Variants in PRKAR1B observed in about 807,000 individuals in gnomAD.
The protein encoded by PRKAR1B is cAMP-dependent protein kinase type I-beta regulatory subunit.
PRKAR1B carries 22 observed loss-of-function variants against 46.5 expected under a neutral mutation model. The observed-to-expected ratio is 0.47, with a 90% confidence interval of 0.34 to 0.68. The LOEUF (loss-of-function observed/expected upper bound fraction) is 0.68. Among genes scored for constraint, PRKAR1B ranks in the 30% least tolerant of loss-of-function variants. The pLI, the probability that PRKAR1B is intolerant of heterozygous loss-of-function variation, is 0.01. For missense variants in PRKAR1B, 445 were observed against 535.6 expected, an observed-to-expected ratio of 0.83 and a Z score of 1.67; for synonymous variants, 259 against 217.7, an observed-to-expected ratio of 1.19 and a Z score of -1.67.
chr7:601,257 C>T (rs558227970), intron 6 of PRKAR1B, among the ~76,000 whole-genome samples: 4 of 152,308 alleles, frequency 2.6e-5, no homozygotes, highest in South Asian at 4.1e-4. Context: ...CCTGGGTAGC[C>T]GTAGTCCTGC....
At chr7:557,694 C>T (rs1010887198) in intron 9 of PRKAR1B, among the ~76,000 whole-genome samples, 6 of 152,186 alleles carry the variant, frequency 3.9e-5, no homozygotes, top group East Asian at 1.9e-4. Flanking sequence ...CAGCTTGAGA[C>T]GCACCACGGT....
chr7:693,669 T>C (rs1398098462), intron 2 of PRKAR1B, among the ~76,000 whole-genome samples: 1 of 152,198 alleles, frequency 6.6e-6, no homozygotes, highest in African/African-American at 2.4e-5. Context: ...TGCGAGGTTT[T>C]CACATCGTGG....
chr7:685,239 CAT>C (rs1331928020), intron 2 of PRKAR1B, among the ~76,000 whole-genome samples: 7 of 111,422 alleles, frequency 6.3e-5, no homozygotes, highest in Non-Finnish European at 1.2e-4. Context: ...TATACACACA[CAT>C]ATAACACGTT....
chr7:726,563 C>A, intron 1 of PRKAR1B: 1 of 495,644 alleles, frequency 2.0e-6, no homozygotes, highest in Non-Finnish European at 3.1e-6. Flanking sequence ...CAGAGGGGGA[C>A]AGCGGGCGAG....
At chr7:571,466 C>T (rs573553542) in intron 9 of PRKAR1B, among the ~76,000 whole-genome samples, 2 of 152,328 alleles carry the variant, frequency 1.3e-5, no homozygotes, top group South Asian at 4.1e-4. Context: ...AGGAAAAGTT[C>T]CCAGGCCCAA....
chr7:583,440 T>C (rs1205103931), intron 8 of PRKAR1B, among the ~76,000 whole-genome samples: 5 of 71,548 alleles, frequency 7.0e-5, no homozygotes, highest in Non-Finnish European at 1.1e-4. Flanking sequence ...ACACCCACAG[T>C]GCACACTCAC....
intron 4 of PRKAR1B, among the ~76,000 whole-genome samples, chr7:623,348 C>T (rs1783212254): frequency 6.6e-6 from 1 of 152,246 alleles, no homozygotes; most frequent in South Asian, 2.1e-4. Context: ...GTGGTAACAA[C>T]AATTCTCTCT....
Position 652,553 on chromosome 7 carries a change from G to A in PRKAR1B, c.440+24676C>T, listed in dbSNP as rs112701923. ...CTCTCGGAAGAAAGTTCATACCCAC[G>A]CAGTGCTAGGAACCTGGGGAAACCC... On this transcript the variant is annotated intron_variant, in intron 4 of 10. Coordinates refer to ENST00000537384, the MANE Select transcript of PRKAR1B (RefSeq NM_001164760.2). Among the ~76,000 whole-genome samples the A allele has an allele frequency of 5.3e-5, 8 of 150,924 alleles. No individual in the cohort carries two copies. The East Asian group carries it at 5.9e-4, about 11-fold the overall frequency.
chr7:634,918 G>C (rs569210391), intron 4 of PRKAR1B, among the ~76,000 whole-genome samples: 2 of 152,240 alleles, frequency 1.3e-5, no homozygotes, highest in East Asian at 3.9e-4. Context: ...GGGATCACAG[G>C]TGTGAGCCAC....
chr7:706,422 ATTT>A (rs33963335), intron 2 of PRKAR1B, among the ~76,000 whole-genome samples: 6 of 102,294 alleles, frequency 5.9e-5, no homozygotes, highest in South Asian at 3.4e-4. Flanking sequence ...CAAATAAGGA[ATTT>A]TTTTTTTTTT....
At chr7:705,532 A>G (rs1286207988) in intron 2 of PRKAR1B, among the ~76,000 whole-genome samples, 2 of 152,116 alleles carry the variant, frequency 1.3e-5, no homozygotes, top group Non-Finnish European at 2.9e-5. Flanking sequence ...TCTCACTACT[A>G]AATATTTACT....
At chr7:687,389 C>T (rs116389716) in intron 2 of PRKAR1B, among the ~76,000 whole-genome samples, 2,498 of 152,006 alleles carry the variant, frequency 0.016, 77 homozygotes, top group African/African-American at 0.057. Flanking sequence ...CTATAAGGCA[C>T]GTGGAAATGC....
chr7:682,682 G>C (rs541174973), intron 2 of PRKAR1B, among the ~76,000 whole-genome samples: 6 of 151,842 alleles, frequency 4.0e-5, no homozygotes, highest in Non-Finnish European at 7.4e-5. Context: ...GAGTGAGCTT[G>C]CAGTGAGCCG....
chr7:641,413 G>A (rs1784381915), intron 4 of PRKAR1B, among the ~76,000 whole-genome samples: 1 of 152,154 alleles, frequency 6.6e-6, no homozygotes. Context: ...AAATGATGCC[G>A]CATTGTTCAT....
intron 3 of PRKAR1B, among the ~76,000 whole-genome samples, chr7:678,643 C>G (rs1189699129): frequency 2.0e-5 from 3 of 152,256 alleles, no homozygotes; most frequent in Non-Finnish European, 4.4e-5. Flanking sequence ...CCTGGGCCAC[C>G]CAGGAAGTCC....
At position 726,690 on chromosome 7, in the gene PRKAR1B, G is replaced by GT. The variant is rs1200519012; in HGVS notation, c.-23+519dup. The GT allele has an allele frequency of 5.7e-6, 7 of 1,228,318 alleles. No homozygotes were observed. The African/African-American group carries it at 7.8e-5, about 14-fold the overall frequency. 76.1% of individuals were successfully genotyped at this position (1,228,318 alleles called of 1,614,324 possible). A position where few individuals can be genotyped will look rare whatever the true frequency, so the allele number is the denominator to read the frequency against. ...CTGCGCTGAGAGTCGCGAAAGCGCT[G>GT]TTCCCCTTAGTGACCGGCGACGCGG... is the stretch of plus-strand genomic sequence containing the variant. On this transcript the variant is annotated intron_variant, in intron 1 of 10. Coordinates refer to ENST00000537384, the MANE Select transcript of PRKAR1B (RefSeq NM_001164760.2).
chr7:679,432 G>T (rs989413071), intron 3 of PRKAR1B, among the ~76,000 whole-genome samples: 8 of 152,252 alleles, frequency 5.3e-5, no homozygotes, highest in African/African-American at 1.2e-4. Context: ...TTTATTTGAG[G>T]TTCTTCTCGT....
rs148486692 is a variant in PRKAR1B, at chr7:693,572, G to A, written c.178-12846C>T. ...CCCAGGTTCGTCCGCGCTGTGCTGC[G>A]TGTCAGGTGATTCACTCCTTTCTGT... On this transcript the variant is annotated intron_variant, in intron 2 of 10. Transcript: ENST00000537384. Among the ~76,000 whole-genome samples the A allele has an allele frequency of 4.6e-5, 7 of 152,310 alleles. No individual in the cohort carries two copies. In the East Asian group the frequency reaches 5.8e-4, roughly 13 times the overall value.
At chr7:674,197 T>TGCCCAGCTACTCCAGCCAC (rs1786451231) in intron 4 of PRKAR1B, among the ~76,000 whole-genome samples, 1 of 152,132 alleles carries the variant, frequency 6.6e-6, no homozygotes, top group African/African-American at 2.4e-5. Context: ...GGAGTAGCCA[T>TGCCCAGCTACTCCAGCCAC]GCCCAGCTAC....
Sources: allele counts gnomAD v4.1 joint callset (sites outside exome capture counted in the v4.1 genomes callset), GRCh38; gene constraint gnomAD v4.1.1; transcripts MANE v1.5; gene names NCBI Gene and HGNC (gene_info 2026-07-23, HGNC 2026-07-21).